The following CAST variants were observed in gnomAD, a reference collection of about 807,000 sequenced individuals.
The protein encoded by CAST is MIR583 host.
CAST carries 76 observed loss-of-function variants against 119.6 expected under a neutral mutation model. The observed-to-expected ratio is 0.64, with a 90% CI of 0.53 to 0.77. The LOEUF (loss-of-function observed/expected upper bound fraction) is 0.77. CAST is among the 30% of genes least tolerant of loss of function. CAST has a pLI of 0.00. For missense variants in CAST, 953 were observed against 946.5 expected (o/e 1.01, Z -0.09); for synonymous variants, 319 against 331.6 (o/e 0.96, Z 0.41).
At chr5:96,181,662 G>A in the CAST span, among the ~76,000 whole-genome samples, 8 of 152,106 alleles carry the variant, frequency 5.3e-5, no homozygotes, top group Admixed American at 5.2e-4. Context: ...TTTTGCTTCT[G>A]TGTTTTAATT....
chr5:96,404,598 T>C, the CAST span, among the ~76,000 whole-genome samples: 44 of 152,286 alleles, frequency 2.9e-4, no homozygotes, highest in African/African-American at 8.9e-4. Flanking sequence ...AACTCATAAA[T>C]GCATGTTCAT....
At chr5:96,141,435 G>A in the CAST span, among the ~76,000 whole-genome samples, 1 of 152,130 alleles carries the variant, frequency 6.6e-6, no homozygotes, top group Non-Finnish European at 1.5e-5. Context: ...TTTTTGTGTG[G>A]CCACCAGCTA....
chr5:96,489,425 A>AG, the CAST span, among the ~76,000 whole-genome samples: 1 of 151,604 alleles, frequency 6.6e-6, no homozygotes, highest in Non-Finnish European at 1.5e-5. Flanking sequence ...TATGAAGGGA[A>AG]TAGCTCTCCT....
chr5:96,440,926 A>G, the CAST span, among the ~76,000 whole-genome samples: 254 of 152,358 alleles, frequency 1.7e-3, 2 homozygotes, highest in Non-Finnish European at 3.2e-3. Context: ...TTCAAAGAGC[A>G]TTAAGCACAG....
chr5:96,529,601 A>T (rs1172696184), upstream of CAST, among the ~76,000 whole-genome samples: 1 of 152,052 alleles, frequency 6.6e-6, no homozygotes, highest in Non-Finnish European at 1.5e-5. Flanking sequence ...TGACCCATTT[A>T]TATGGTTCGG....
the CAST span, among the ~76,000 whole-genome samples, chr5:96,257,029 G>C: frequency 6.6e-6 from 1 of 151,918 alleles, no homozygotes; most frequent in African/African-American, 2.4e-5. Flanking sequence ...AGATGGCGCT[G>C]TGATTCATTG....
chr5:96,232,740 C>G, the CAST span, among the ~76,000 whole-genome samples: 2 of 151,974 alleles, frequency 1.3e-5, no homozygotes, highest in African/African-American at 4.8e-5. Flanking sequence ...TTTCTTCATG[C>G]ATGAAATTAC....
intron 1 of CAST, among the ~76,000 whole-genome samples, chr5:96,602,448 A>G (rs1174574034): frequency 6.6e-6 from 1 of 152,164 alleles, no homozygotes; most frequent in Non-Finnish European, 1.5e-5. Context: ...AAATATTATA[A>G]AGGAACTAAA....
chr5:96,134,753 T>C, the CAST span, among the ~76,000 whole-genome samples: 1 of 152,172 alleles, frequency 6.6e-6, no homozygotes, highest in Non-Finnish European at 1.5e-5. Context: ...TACTATACAT[T>C]CCATGTATTG....
Position 96,737,929 on chromosome 5 carries a change from T to G in CAST, c.780T>G (p.Tyr260Ter). ...PEETEEENTT[Y>*]TGPEVSDPMS... ...AAACTGAAGAAGAAAATACAACGTA[T>G]ACTGGACCAGAAGTTTCAGTATGTG... The change falls in exon 11 of 32, where the codon TAT (tyrosine) becomes TAG (stop). Residue 260 changes from tyrosine to a stop codon, truncating the protein, a stop_gained. Transcript: ENST00000675179. LOFTEE classifies it high-confidence loss of function. 1.9e-6 allele frequency: 3 copies of G among 1,592,852 alleles called. No individual in the cohort carries two copies. Among genetic ancestry groups the G allele is most frequent in the Non-Finnish European group, 2.6e-6 (3 of 1,160,974 alleles).
the CAST span, among the ~76,000 whole-genome samples, chr5:96,120,135 A>T: frequency 6.6e-6 from 1 of 152,106 alleles, no homozygotes; most frequent in African/African-American, 2.4e-5. Flanking sequence ...TCCTATTAGC[A>T]TCCAGGTTTC....
chr5:96,627,911 G>A (rs570051045), intron 1 of CAST, among the ~76,000 whole-genome samples: 2 of 152,258 alleles, frequency 1.3e-5, no homozygotes, highest in South Asian at 2.1e-4. Context: ...TTTTCATTTC[G>A]CTAGTCATGT....
At chr5:96,452,688 C>T in the CAST span, among the ~76,000 whole-genome samples, 2 of 141,666 alleles carry the variant, frequency 1.4e-5, no homozygotes, top group Non-Finnish European at 3.0e-5. Context: ...CGGTGGCTCA[C>T]GCCTGTAATC....
the CAST span, among the ~76,000 whole-genome samples, chr5:96,327,824 G>A: frequency 6.6e-6 from 1 of 152,156 alleles, no homozygotes; most frequent in Non-Finnish European, 1.5e-5. Flanking sequence ...CAGCTTCTGT[G>A]TATTTATAAT....
chr5:96,326,118 T>TGTCTCATCTAATCAGTCA, the CAST span, among the ~76,000 whole-genome samples: 1 of 152,208 alleles, frequency 6.6e-6, no homozygotes. Context: ...CCTGCCAAAC[T>TGTCTCATCTAATCAGTCA]GTCTCATCTA....
chr5:96,054,363 T>C, the CAST span, among the ~76,000 whole-genome samples: 1 of 152,100 alleles, frequency 6.6e-6, no homozygotes, highest in East Asian at 1.9e-4. Flanking sequence ...AGCAATCCTC[T>C]AGCCTCAGCC....
chr5:96,518,211 T>C, the CAST span, among the ~76,000 whole-genome samples: 1 of 152,258 alleles, frequency 6.6e-6, no homozygotes, highest in East Asian at 1.9e-4. Context: ...ATTCTAGTCA[T>C]CTATACACAT....
chr5:96,136,181 T>G, the CAST span, among the ~76,000 whole-genome samples: 3 of 152,222 alleles, frequency 2.0e-5, no homozygotes, highest in African/African-American at 7.2e-5. Context: ...CACTTATTTT[T>G]GTCAATAAGT....
chr5:96,340,192 C>G, the CAST span, among the ~76,000 whole-genome samples: 1 of 152,176 alleles, frequency 6.6e-6, no homozygotes, highest in African/African-American at 2.4e-5. Flanking sequence ...AGGATACACT[C>G]TTATCTAATT....
Sources: gnomAD v4.1 joint callset for allele counts (sites outside exome capture counted in the v4.1 genomes callset) on GRCh38, gnomAD v4.1.1 for gene constraint, MANE v1.5 for transcripts, NCBI Gene and HGNC (gene_info 2026-07-23, HGNC 2026-07-21) for gene names.